Variants in CDC20B observed in about 807,000 individuals in gnomAD.
CDC20B encodes the protein cell division cycle protein 20 homolog B.
Under a neutral mutation model 64.1 loss-of-function variants are expected in CDC20B, and 58 were observed. That is an observed-to-expected ratio of 0.90 (90% CI 0.73 to 1.13). CDC20B has a LOEUF of 1.13. CDC20B is among the 50% of genes most tolerant of loss of function. The pLI is 0.00. For synonymous variants in CDC20B, 243 were observed against 230.6 expected (o/e 1.05, Z -0.49); for missense variants, 597 against 633.0 (o/e 0.94, Z 0.61).
At chr5:55,163,651 T>G (rs1027302090) in intron 2 of CDC20B, among the ~76,000 whole-genome samples, 4 of 151,500 alleles carry the variant, frequency 2.6e-5, no homozygotes, top group African/African-American at 9.7e-5. Flanking sequence ...GGATTACAGG[T>G]GCACACCACC....
intron 5 of CDC20B, chr5:55,137,232 C>T: frequency 4.5e-6 from 1 of 223,058 alleles, no homozygotes; most frequent in Non-Finnish European, 9.1e-6. Flanking sequence ...TAGCATGGAA[C>T]AGGACCTTCT....
chr5:55,152,258 T>C (rs563868171), intron 2 of CDC20B, among the ~76,000 whole-genome samples: 5 of 152,346 alleles, frequency 3.3e-5, no homozygotes, highest in African/African-American at 9.6e-5. Flanking sequence ...GAAGAGAATA[T>C]GTGTGTCTAA....
intron 6 of CDC20B, among the ~76,000 whole-genome samples, chr5:55,132,704 C>T (rs1375258275): frequency 6.6e-6 from 1 of 152,158 alleles, no homozygotes; most frequent in Non-Finnish European, 1.5e-5. Flanking sequence ...TCAACAACTC[C>T]CAAAACAAAT....
At chr5:55,152,221 A>C (rs1242746191) in intron 2 of CDC20B, among the ~76,000 whole-genome samples, 1 of 152,206 alleles carries the variant, frequency 6.6e-6, no homozygotes, top group East Asian at 1.9e-4. Context: ...AATGAAACTG[A>C]GTTTGGACCT....
rs188809016 is a variant in CDC20B, at chr5:55,142,645, A to G, written c.486+868T>C. On this transcript the variant is annotated intron_variant, in intron 4 of 11. Coordinates refer to ENST00000381375, the MANE Select transcript of CDC20B (RefSeq NM_001170402.1). Reference sequence around the variant, plus strand: ...TTGAGGCCACCAGTGCACCCTAATTATCTCAGTAGGACTCCCCGGCCATTC... The same window carrying G: ...TTGAGGCCACCAGTGCACCCTAATTGTCTCAGTAGGACTCCCCGGCCATTC... Among the ~76,000 whole-genome samples, 5 of 152,260 alleles carry G rather than the reference A, an allele frequency of 3.3e-5. No individual in the cohort carries two copies. The East Asian group carries it at 9.6e-4, about 29-fold the overall frequency.
chr5:55,152,004 A>C (rs1289822458), intron 2 of CDC20B, among the ~76,000 whole-genome samples: 2 of 152,258 alleles, frequency 1.3e-5, no homozygotes, highest in Non-Finnish European at 2.9e-5. Flanking sequence ...ATGCAATCAC[A>C]TGTATCCCTG....
intron 4 of CDC20B, among the ~76,000 whole-genome samples, chr5:55,141,183 T>C (rs1488922614): frequency 6.6e-6 from 1 of 152,198 alleles, no homozygotes; most frequent in Non-Finnish European, 1.5e-5. Flanking sequence ...TCAACAGCTT[T>C]CTTACACTAG....
intron 2 of CDC20B, among the ~76,000 whole-genome samples, chr5:55,150,488 C>A (rs1168529369): frequency 2.0e-5 from 3 of 152,238 alleles, no homozygotes; most frequent in Admixed American, 6.5e-5. Flanking sequence ...GCTCTCCCCA[C>A]CAGCTGACCA....
chr5:55,167,070 AATATC>A (rs1317808684), intron 2 of CDC20B: 1 of 152,170 alleles, frequency 6.6e-6, no homozygotes, highest in African/African-American at 2.4e-5. Context: ...GAAAAAGAAA[AATATC>A]AGGCATCACA....
chr5:55,125,096 G>A, intron 8 of CDC20B, 68 bp from the exon 9 acceptor site: 2 of 1,325,788 alleles, frequency 1.5e-6, no homozygotes, highest in Non-Finnish European at 2.1e-6. Flanking sequence ...ATGGAGGAAA[G>A]CATAGTTCAA....
At chr5:55,170,056 G>C (rs933127820) in intron 2 of CDC20B, among the ~76,000 whole-genome samples, 1 of 152,094 alleles carries the variant, frequency 6.6e-6, no homozygotes, top group African/African-American at 2.4e-5. Context: ...GGAGCTTGCA[G>C]TGAGCCGAGA....
chr5:55,128,360 G>T (rs2111826389), intron 7 of CDC20B, 61 bp downstream of exon 7: 1 of 1,331,638 alleles, frequency 7.5e-7, no homozygotes, highest in Non-Finnish European at 1.0e-6. Flanking sequence ...GTTATTAAAA[G>T]TCAATTATAG....
intron 2 of CDC20B, among the ~76,000 whole-genome samples, chr5:55,154,441 T>C (rs776313796): frequency 6.6e-6 from 1 of 152,058 alleles, no homozygotes; most frequent in Non-Finnish European, 1.5e-5. Flanking sequence ...TGCTTGATCC[T>C]GGGAGGTCGA....
In CDC20B at chr5:55,133,386, A is replaced by C. The variant is rs190714444; in HGVS notation, c.697+26T>G. 45 of 1,232,888 alleles carry C rather than the reference A, an allele frequency of 3.6e-5. No individual in the cohort carries two copies. The Admixed American group carries it at 6.4e-4, about 18-fold the overall frequency. The allele number at this position is 1,232,888 out of a possible 1,614,324, so 76.4% of individuals were successfully genotyped here. A position where few individuals can be genotyped will look rare whatever the true frequency, so the allele number is the denominator to read the frequency against. On this transcript the variant is annotated intron_variant, in intron 6 of 11. Transcript: ENST00000381375. ...GATGCATTTTGTCATTTCAACTTTT[A>C]ATTCCCAATCTAAATGATAACTTAC...
chr5:55,136,426 C>G (rs3105152), intron 5 of CDC20B: 147,900 of 152,224 alleles, frequency 0.97, 71,892 homozygotes, highest in East Asian at 1. Context: ...AGGTGTGGTA[C>G]CACAGGCCTG....
chr5:55,124,669 A>C, intron 9 of CDC20B, 134 bp downstream of exon 9: 1 of 772,310 alleles, frequency 1.3e-6, no homozygotes, highest in Non-Finnish European at 2.1e-6. Context: ...CAGGAGAGTG[A>C]TGACAAACTC....
At chr5:55,118,913 G>A (rs552021407) in intron 11 of CDC20B, among the ~76,000 whole-genome samples, 1 of 152,268 alleles carries the variant, frequency 6.6e-6, no homozygotes, top group South Asian at 2.1e-4. Flanking sequence ...ACCTAACATT[G>A]CATATATTTG....
chr5:55,151,074 A>G (rs1318632218), intron 2 of CDC20B, among the ~76,000 whole-genome samples: 2 of 151,966 alleles, frequency 1.3e-5, no homozygotes, highest in African/African-American at 4.8e-5. Flanking sequence ...CCACTTTTTT[A>G]TTTCTCTCCG....
chr5:55,164,414 G>A (rs544565405), intron 2 of CDC20B: 2 of 364,226 alleles, frequency 5.5e-6, no homozygotes, highest in African/African-American at 2.1e-5. Flanking sequence ...TTTTTTTAAT[G>A]TTATCTTGCT....
Sources: allele counts gnomAD v4.1 joint callset (sites outside exome capture counted in the v4.1 genomes callset), GRCh38; gene constraint gnomAD v4.1.1; transcripts MANE v1.5; gene names NCBI Gene and HGNC (gene_info 2026-07-23, HGNC 2026-07-21).